NETO2: variants seen among roughly 807,000 people sequenced by gnomAD.
NETO2 encodes the protein neuropilin and tolloid-like protein 2.
A neutral mutation model predicts 62.5 loss-of-function variants in NETO2; 28 were observed. That is an observed-to-expected ratio of 0.45 (90% CI 0.33 to 0.61). The LOEUF (loss-of-function observed/expected upper bound fraction) is 0.61, where lower values mean the gene tolerates loss of function less well. Ranked by LOEUF, NETO2 falls within the 20% of genes least tolerant of loss-of-function variation. The probability of loss-of-function intolerance (pLI) is 0.02; values close to 1 mark genes in which losing one functional copy is unlikely to be tolerated. For missense variants in NETO2, 548 were observed against 643.2 expected, an observed-to-expected ratio of 0.85 and a Z score of 1.60; for synonymous variants, 214 against 219.1, an observed-to-expected ratio of 0.98 and a Z score of 0.21.
chr16:47,120,499 C>T (rs533887588), intron 6 of NETO2, among the ~76,000 whole-genome samples: 33 of 152,278 alleles, frequency 2.2e-4, no homozygotes, highest in Non-Finnish European at 3.8e-4. Context: ...AAGCATTTAT[C>T]ATGTGTTACA....
At chr16:47,099,498 A>G (rs536728526) in intron 7 of NETO2, among the ~76,000 whole-genome samples, 2 of 152,218 alleles carry the variant, frequency 1.3e-5, no homozygotes, top group African/African-American at 4.8e-5. Context: ...AATGCCCCCA[A>G]TTAAAAGACG....
At chr16:47,088,799 A>C (rs924302106) in intron 7 of NETO2, among the ~76,000 whole-genome samples, 1 of 152,186 alleles carries the variant, frequency 6.6e-6, no homozygotes, top group Admixed American at 6.5e-5. Context: ...TCAGTAATAA[A>C]ACTGACATGT....
At chr16:47,142,674 T>C (rs1964484171) in intron 1 of NETO2, among the ~76,000 whole-genome samples, 1 of 152,228 alleles carries the variant, frequency 6.6e-6, no homozygotes, top group African/African-American at 2.4e-5. Context: ...GGTGCTGTTT[T>C]CCCTCTGGAA....
intron 1 of NETO2, among the ~76,000 whole-genome samples, chr16:47,136,252 T>G (rs1964359719): frequency 6.6e-6 from 1 of 152,174 alleles, no homozygotes; most frequent in African/African-American, 2.4e-5. Flanking sequence ...GATGATCTGT[T>G]AAATACATGC....
At chr16:47,112,913 C>G (rs1305927382) in intron 6 of NETO2, among the ~76,000 whole-genome samples, 1 of 152,174 alleles carries the variant, frequency 6.6e-6, no homozygotes, top group Non-Finnish European at 1.5e-5. Context: ...TTCATACTTA[C>G]ATATCTATAA....
chr16:47,115,873 C>T (rs1202119815), intron 6 of NETO2, among the ~76,000 whole-genome samples: 1 of 151,122 alleles, frequency 6.6e-6, no homozygotes, highest in Non-Finnish European at 1.5e-5. Flanking sequence ...GCCTGACCTG[C>T]AATTGATTTT....
intron 7 of NETO2, among the ~76,000 whole-genome samples, chr16:47,098,116 TCTC>T (rs1219675197): frequency 1.3e-5 from 2 of 152,022 alleles, no homozygotes; most frequent in Non-Finnish European, 2.9e-5. Context: ...GAACTCCTCT[TCTC>T]CTCCAAAGGA....
chr16:47,119,657 C>T (rs900585334), intron 6 of NETO2, among the ~76,000 whole-genome samples: 5 of 149,900 alleles, frequency 3.3e-5, no homozygotes, highest in Non-Finnish European at 7.4e-5. Flanking sequence ...AGTCTTTTTT[C>T]TCAAAGTACT....
At chr16:47,117,558 CT>C (rs775851989) in intron 6 of NETO2, among the ~76,000 whole-genome samples, 1 of 152,152 alleles carries the variant, frequency 6.6e-6, no homozygotes, top group Non-Finnish European at 1.5e-5. Flanking sequence ...ATCTTTTCCC[CT>C]CTGTACTTCT....
chr16:47,111,024 A>G (rs938023156), intron 6 of NETO2, among the ~76,000 whole-genome samples: 2 of 152,040 alleles, frequency 1.3e-5, no homozygotes, highest in Non-Finnish European at 2.9e-5. Context: ...AAGAAGCAAT[A>G]TGTTTTCTTA....
intron 7 of NETO2, among the ~76,000 whole-genome samples, chr16:47,087,695 T>C (rs1963224072): frequency 6.6e-6 from 1 of 152,234 alleles, no homozygotes; most frequent in African/African-American, 2.4e-5. Context: ...ATATATACCA[T>C]GTAATTTCCT....
At chr16:47,101,412 A>G (rs1963540303) in intron 7 of NETO2, among the ~76,000 whole-genome samples, 1 of 152,218 alleles carries the variant, frequency 6.6e-6, no homozygotes, top group Non-Finnish European at 1.5e-5. Flanking sequence ...CCTATTCAAC[A>G]TAGTATTGGA....
chr16:47,131,890 A>G (rs1964272707), intron 2 of NETO2, 79 bp downstream of exon 2: 2 of 1,149,690 alleles, frequency 1.7e-6, no homozygotes, highest in Non-Finnish European at 2.6e-6. Context: ...TGAAAATAGT[A>G]CCCAAAAGTT....
chr16:47,107,867 C>CTGGGCTCAGG (rs1210879569), intron 7 of NETO2, among the ~76,000 whole-genome samples: 15 of 152,198 alleles, frequency 9.9e-5, no homozygotes, highest in African/African-American at 3.6e-4. Flanking sequence ...CCTTGACCTC[C>CTGGGCTCAGG]TGGGCTCAGG....
At chr16:47,143,537 C>G in intron 1 of NETO2, 42 bp downstream of exon 1, 2 of 1,220,278 alleles carry the variant, frequency 1.6e-6, no homozygotes, top group South Asian at 4.1e-5. Context: ...CCAGCCTCGG[C>G]CCGCAGGGGG....
intron 1 of NETO2, among the ~76,000 whole-genome samples, chr16:47,138,597 G>C (rs1964403056): frequency 6.6e-6 from 1 of 152,192 alleles, no homozygotes; most frequent in Admixed American, 6.5e-5. Flanking sequence ...TGTGCGCTCA[G>C]TTAAATTCAG....
chr16:47,129,039 C>T (rs1034533776), intron 3 of NETO2, among the ~76,000 whole-genome samples, 185 bp downstream of exon 3: 9 of 152,182 alleles, frequency 5.9e-5, no homozygotes, highest in Non-Finnish European at 1.0e-4. Flanking sequence ...ATTCAAACTT[C>T]CCCTAACATT....
chr16:47,129,547 C>T (rs989288147), intron 2 of NETO2, among the ~76,000 whole-genome samples, 183 bp from the exon 3 acceptor site: 7 of 152,078 alleles, frequency 4.6e-5, no homozygotes, highest in Non-Finnish European at 1.5e-5. Flanking sequence ...GGAAAACTTG[C>T]TGGGAGAGGA....
At chr16:47,118,123 T>C (rs886469478) in intron 6 of NETO2, among the ~76,000 whole-genome samples, 1 of 152,166 alleles carries the variant, frequency 6.6e-6, no homozygotes, top group African/African-American at 2.4e-5. Flanking sequence ...CTGGAGAATG[T>C]CGTTTTTTGT....
Sources: gnomAD v4.1 joint callset for allele counts (sites outside exome capture counted in the v4.1 genomes callset) on GRCh38, gnomAD v4.1.1 for gene constraint, MANE v1.5 for transcripts, NCBI Gene and HGNC (gene_info 2026-07-23, HGNC 2026-07-21) for gene names.